The following FAM83E variants were observed in gnomAD, a reference collection of about 807,000 sequenced individuals.
FAM83E encodes the protein scaffolding CK1 anchoring protein E.
In FAM83E, 29 loss-of-function variants were observed where a neutral mutation model predicts 34.3. The observed-to-expected ratio is 0.85, with a 90% CI of 0.63 to 1.15. The LOEUF (loss-of-function observed/expected upper bound fraction) is 1.15, where lower values mean the gene tolerates loss of function less well. Among genes scored for constraint, FAM83E ranks in the 50% most tolerant of loss-of-function variants. FAM83E has a pLI of 0.00. For synonymous variants in FAM83E, 312 were observed against 311.6 expected (o/e 1.00, Z -0.01); for missense variants, 697 against 685.0 (o/e 1.02, Z -0.20).
At position 48,613,419 on chromosome 19, in the gene FAM83E, G is replaced by C. The variant is rs779730501; in HGVS notation, c.-47C>G. 16 of 1,470,668 alleles carry C rather than the reference G, an allele frequency of 1.1e-5. No individual in the cohort carries two copies. Among genetic ancestry groups the C allele is most frequent in the Non-Finnish European group, 1.4e-5 (16 of 1,112,266 alleles). The allele number at this position is 1,470,668 out of a possible 1,614,324, so 91.1% of individuals were successfully genotyped here. A position where few individuals can be genotyped will look rare whatever the true frequency, so the allele number is the denominator to read the frequency against. On this transcript the variant is annotated 5_prime_UTR_variant, in exon 3 of 7. Transcript: ENST00000263266. ...ACTGACTGTGAGAGGCTGGGTCCCC[G>C]GGGGTCTGGCTGTCTCTGGGGACTG...
chr19:48,607,677 T>C (rs1973960672), intron 5 of FAM83E: 3 of 310,120 alleles, frequency 9.7e-6, no homozygotes, highest in Non-Finnish European at 1.8e-5. Context: ...GTAAAAAATA[T>C]ATATATATCA....
At chr19:48,611,664 C>T (rs1485703199) in intron 3 of FAM83E, among the ~76,000 whole-genome samples, 1 of 152,158 alleles carries the variant, frequency 6.6e-6, no homozygotes. Context: ...GACGGGATTT[C>T]GCCATCTTGG....
Position 48,609,953 on chromosome 19 carries a change from C to T in FAM83E, c.681G>A (p.Trp227Ter), listed in dbSNP as rs767214382. 5.0e-6 allele frequency: 8 copies of T among 1,613,218 alleles called. No individual in the cohort carries two copies. Among genetic ancestry groups the T allele is most frequent in the Non-Finnish European group, 1.7e-6 (2 of 1,180,022 alleles). The stretch of plus-strand genomic sequence containing the variant: ...GCACGGTGCCGCTCACCTGCCGTCG[C>T]CAGCGGCTCTGGAAGCTGCAGCCCC... ...VVRGCSFQSR[W>*]RRQVSGTVRE... The change falls in exon 5 of 7, where the codon TGG becomes TGA. Residue 227 changes from tryptophan (W) to a stop codon, truncating the protein, a stop_gained. Coordinates refer to ENST00000263266, the MANE Select transcript of FAM83E (RefSeq NM_017708.4). LOFTEE classifies it high-confidence loss of function.
chr19:48,601,702 T>C (rs1052883151), intron 6 of FAM83E, among the ~76,000 whole-genome samples: 5 of 149,894 alleles, frequency 3.3e-5, no homozygotes, highest in Admixed American at 2.7e-4. Flanking sequence ...AAGGGAGAGA[T>C]TGCAGTGAGC....
At position 48,612,949 on chromosome 19, in the gene FAM83E, G is replaced by A. The variant is rs1413615992; in HGVS notation, c.424C>T (p.Leu142Phe). Reference sequence around the variant, plus strand: ...ATCTCCAGCCGCACCAGCTCCTTGAGGGGCGGCTGACCCTCTCCAGGAGGC... The same window carrying A: ...ATCTCCAGCCGCACCAGCTCCTTGAAGGGCGGCTGACCCTCTCCAGGAGGC... ...TQPPGEGQPP[L>F]KELVRLEIQA... Residue 142 changes from leucine to phenylalanine, a missense_variant, in exon 3 of 7, where the codon CTC becomes TTC. Coordinates refer to ENST00000263266, the MANE Select transcript of FAM83E (RefSeq NM_017708.4). 3.1e-6 allele frequency: 5 copies of A among 1,588,658 alleles called. No individual in the cohort carries two copies. The highest frequency in any genetic ancestry group is 4.3e-6 in the Non-Finnish European group (5 of 1,167,574).
At position 48,600,204 on chromosome 19, in the gene FAM83E, C is replaced by T. The variant is rs1040855230; in HGVS notation, c.*905G>A. ...AGCAGCTCTAGCTCGGGGCCTCACC[C>T]GGGCCCCTCATCAGGAAGGCCTGAC... On this transcript the variant is annotated 3_prime_UTR_variant, in exon 7 of 7. Transcript: ENST00000263266. Among the ~76,000 whole-genome samples the T allele has an allele frequency of 6.6e-6, 1 of 152,236 alleles. No homozygotes were observed. The highest frequency in any genetic ancestry group is 1.9e-4 in the East Asian group (1 of 5,198).
At position 48,603,813 on chromosome 19, in the gene FAM83E, G is replaced by A. The variant is rs1335093150; in HGVS notation, c.857C>T (p.Ala286Val). 3.1e-6 allele frequency: 5 copies of A among 1,604,484 alleles called. No individual in the cohort carries two copies. Among genetic ancestry groups the A allele is most frequent in the African/African-American group, 1.3e-5 (1 of 74,090 alleles). The change falls in exon 6 of 7, where the codon GCG becomes GTG. Residue 286 changes from alanine (A) to valine (V), a missense_variant. Ala to Val is a moderately conservative substitution (Grantham distance 64). Coordinates refer to ENST00000263266, the MANE Select transcript of FAM83E (RefSeq NM_017708.4). The part of the protein sequence containing the change: ...AFSLEFRTLY[A>V]ASCPLPPAPP... ...CGCAGGTGGGAGCGGGCAGGAGGCC[G>A]CGTACAGCGTCCGGAACTCAAGGCT...
intron 6 of FAM83E, 79 bp downstream of exon 6, chr19:48,603,415 G>C: frequency 7.4e-7 from 1 of 1,351,122 alleles, no homozygotes; most frequent in Non-Finnish European, 9.6e-7. Context: ...AGGGCCCCTG[G>C]AGCCTGGCTT....
In FAM83E at chr19:48,600,797, G is replaced by A. The variant is rs567532808; in HGVS notation, c.*312C>T. 3.7e-4 allele frequency: 96 copies of A among 257,200 alleles called. No individual in the cohort carries two copies. The highest frequency in any genetic ancestry group is 2.0e-3 in the African/African-American group (88 of 43,980). 15.9% of individuals were successfully genotyped at this position (257,200 alleles called of 1,614,324 possible). ...CTCCTGCGTAGCTGGGACCACAGGC[G>A]TGCGCCACCACACCCAACTAATTTG... On this transcript the variant is annotated 3_prime_UTR_variant, in exon 7 of 7. Transcript: ENST00000263266.
intron 5 of FAM83E, 112 bp from the exon 6 acceptor site, chr19:48,604,023 T>G (rs1973883083): frequency 9.4e-7 from 1 of 1,062,282 alleles, no homozygotes. Flanking sequence ...AGTCCTGACC[T>G]CTCCAGCCTC....
In FAM83E at chr19:48,612,919, C is replaced by A; in HGVS notation, c.454G>T (p.Ala152Ser). The A allele has an allele frequency of 6.4e-7, 1 of 1,550,950 alleles. No homozygotes were observed. Among genetic ancestry groups the A allele is most frequent in the South Asian group, 1.2e-5 (1 of 84,720 alleles). Residue 152 changes from alanine to serine, a missense_variant, in exon 3 of 7, where the codon GCT becomes TCT. Coordinates refer to ENST00000263266, the MANE Select transcript of FAM83E (RefSeq NM_017708.4). ...CCCGCGACACCCACCTTGTGGGCAG[C>A]CTGGATCTCCAGCCGCACCAGCTCC... ...LKELVRLEIQAAHKLVAVVMD... is the reference protein window; with the variant it reads ...LKELVRLEIQSAHKLVAVVMD...
At chr19:48,611,571 A>T (rs948794232) in intron 3 of FAM83E, among the ~76,000 whole-genome samples, 4 of 151,580 alleles carry the variant, frequency 2.6e-5, no homozygotes, top group Non-Finnish European at 4.4e-5. Flanking sequence ...GGACTCAAGC[A>T]GTTCTCCTGC....
At chr19:48,606,994 C>T in intron 5 of FAM83E, 1 of 1,608,002 alleles carries the variant, frequency 6.2e-7, no homozygotes, top group Admixed American at 1.7e-5. Flanking sequence ...CCTGTGCTGG[C>T]TGCTGCTTCT....
intron 5 of FAM83E, among the ~76,000 whole-genome samples, chr19:48,605,717 A>G (rs962293053): frequency 2.6e-5 from 4 of 151,834 alleles, no homozygotes; most frequent in African/African-American, 9.6e-5. Flanking sequence ...TGCCCAGCAA[A>G]TTTTTGTATT....
intron 5 of FAM83E, among the ~76,000 whole-genome samples, chr19:48,609,136 C>CAACGAGGAACTGAGAGAGCTA (rs1414214097): frequency 6.6e-6 from 1 of 152,096 alleles, no homozygotes; most frequent in Admixed American, 6.6e-5. Context: ...TGAAGTCACA[C>CAACGAGGAACTGAGAGAGCTA]AACGAGGAAC....
Position 48,600,945 on chromosome 19 carries a change from T to A in FAM83E, c.*164A>T. ...AGGGATTACAGGCATGAGCCACCAC[T>A]CCCGGCCCAAGTTGCAGAACAAGTG... On this transcript the variant is annotated 3_prime_UTR_variant, in exon 7 of 7. Transcript: ENST00000263266. 3.5e-6 allele frequency: 5 copies of A among 1,422,310 alleles called. No individual in the cohort carries two copies. The highest frequency in any genetic ancestry group is 4.6e-6 in the Non-Finnish European group (5 of 1,090,780). 88.1% of individuals were successfully genotyped at this position (1,422,310 alleles called of 1,614,324 possible). A position where few individuals can be genotyped will look rare whatever the true frequency, so the allele number is the denominator to read the frequency against.
rs563537159 is a variant in FAM83E, at chr19:48,606,237, G to A, written c.759-2326C>T. On this transcript the variant is annotated intron_variant, in intron 5 of 6. Transcript: ENST00000263266. ...GAGTTACGAGAATCGCTTGAAGCTG[G>A]GAAGCAGAAGCTGCAGTGAGCTGAG... Among the ~76,000 whole-genome samples, 5 of 152,282 alleles carry A rather than the reference G, an allele frequency of 3.3e-5. No individual in the cohort carries two copies. In the South Asian group the frequency reaches 1.0e-3, roughly 32 times the overall value.
In FAM83E at chr19:48,614,593, C is replaced by G; in HGVS notation, c.-1221G>C. On this transcript the variant is annotated 5_prime_UTR_variant, in exon 3 of 7. Transcript: ENST00000263266. ...AGCCCTTCATTCCAATCCCACCAAC[C>G]CAGGCCGCTGCTTCCTCCAGACCAC... 1 of 986,346 alleles carries G rather than the reference C, an allele frequency of 1.0e-6. No individual in the cohort carries two copies. 61.1% of individuals were successfully genotyped at this position (986,346 alleles called of 1,614,324 possible). A position where few individuals can be genotyped will look rare whatever the true frequency, so the allele number is the denominator to read the frequency against.
At chr19:48,605,130 G>A (rs550632206) in intron 5 of FAM83E, among the ~76,000 whole-genome samples, 2 of 151,950 alleles carry the variant, frequency 1.3e-5, no homozygotes, top group African/African-American at 2.4e-5. Flanking sequence ...TTCCCCTTTG[G>A]AAAGAGACGG....
Sources: gnomAD v4.1 joint callset for allele counts (sites outside exome capture counted in the v4.1 genomes callset) on GRCh38, gnomAD v4.1.1 for gene constraint, MANE v1.5 for transcripts, NCBI Gene and HGNC (gene_info 2026-07-23, HGNC 2026-07-21) for gene names.